RPS8: variants seen among roughly 807,000 people sequenced by gnomAD.
The protein encoded by RPS8 is ribosomal protein S8.
For missense variants in RPS8, 141 were observed against 269.7 expected (o/e 0.52, Z 3.34); for synonymous variants, 100 against 100.7 (o/e 0.99, Z 0.04).
chr1:44,776,814 T>C (rs991081731), intron 3 of RPS8, 40 bp downstream of exon 3: 42 of 1,464,888 alleles, frequency 2.9e-5, no homozygotes, highest in Non-Finnish European at 3.8e-5. Context: ...AAAACGCACC[T>C]AAACGGTCTT....
Position 44,778,735 on chromosome 1 carries a change from C to A in RPS8, c.*50C>A. 1.6e-6 allele frequency: 2 copies of A among 1,277,790 alleles called. No homozygotes were observed. Among genetic ancestry groups the A allele is most frequent in the South Asian group, 1.3e-5 (1 of 75,298 alleles). 79.2% of individuals were successfully genotyped at this position (1,277,790 alleles called of 1,614,324 possible). A position where few individuals can be genotyped will look rare whatever the true frequency, so the allele number is the denominator to read the frequency against. On this transcript the variant is annotated 3_prime_UTR_variant, in exon 6 of 6. Coordinates refer to ENST00000396651, the MANE Select transcript of RPS8 (RefSeq NM_001012.2). Reference sequence around the variant, plus strand: ...TAATAAAGGTGTTTATTGTTTTGTTCCCACATTTATGTTGCCTGAATATAT... The same window carrying A: ...TAATAAAGGTGTTTATTGTTTTGTTACCACATTTATGTTGCCTGAATATAT...
intron 2 of RPS8, 24 bp from the exon 3 acceptor site, chr1:44,776,651 T>A (rs201440654): frequency 6.2e-7 from 1 of 1,607,410 alleles, no homozygotes; most frequent in East Asian, 2.2e-5. Flanking sequence ...GGTAACCTAG[T>A]TCCTGTAACC....
intron 5 of RPS8, 92 bp downstream of exon 5, chr1:44,778,221 C>T (rs1650928465): frequency 6.7e-7 from 1 of 1,496,922 alleles, no homozygotes; most frequent in Non-Finnish European, 9.2e-7. Flanking sequence ...GACTGCCAGC[C>T]ATGCAGTCTA....
chr1:44,777,966 T>A, intron 4 of RPS8, 34 bp from the exon 5 acceptor site: 1 of 1,613,064 alleles, frequency 6.2e-7, no homozygotes, highest in Non-Finnish European at 8.5e-7. Flanking sequence ...CTGCCTTCCT[T>A]CCCTGAGCTC....
At chr1:44,775,900 C>A in intron 1 of RPS8, 134 bp from the exon 2 acceptor site, 1 of 883,654 alleles carries the variant, frequency 1.1e-6, no homozygotes, top group Non-Finnish European at 1.9e-6. Context: ...TGCATACTCC[C>A]GAGTGCGCGG....
intron 1 of RPS8, 166 bp downstream of exon 1, chr1:44,775,766 CT>C (rs944190014): frequency 1.0e-6 from 1 of 985,242 alleles, no homozygotes; most frequent in Non-Finnish European, 1.6e-6. Context: ...TCTCTGGGGG[CT>C]GCGAAGGCTC....
intron 3 of RPS8, 26 bp downstream of exon 3, chr1:44,776,800 T>A: frequency 6.5e-7 from 1 of 1,533,932 alleles, no homozygotes; most frequent in Non-Finnish European, 8.9e-7. Flanking sequence ...TGGGAGTGGG[T>A]GGGAAAACGC....
In RPS8 at chr1:44,777,717, C is replaced by T; in HGVS notation, c.315C>T (p.Asp105=). 1 of 1,614,078 alleles carries T rather than the reference C, an allele frequency of 6.2e-7. No individual in the cohort carries two copies. ...TGAAGAATTGCATCGTGCTCATCGA[C>T]AGCACACCGTACCGACAGTGGTACG... The part of the protein sequence containing the change: ...TLVKNCIVLI[D]STPYRQWYES... Residue 105 remains aspartate (D), a synonymous_variant, in exon 4 of 6, where the codon GAC becomes GAT. Transcript: ENST00000396651.
rs753829232 is a variant in RPS8 at position 44,778,045 on chromosome 1, A to T, written c.433A>T (p.Ile145Phe). ...EILNKKRSKKIQKKYDERKKN... is the reference protein window; with the variant it reads ...EILNKKRSKKFQKKYDERKKN... ...TTTAAACAAAAAACGATCTAAAAAA[A>T]TTCAGAAGAAATATGATGAAAGGAA... The change falls in exon 5 of 6, where the codon ATT (isoleucine) becomes TTT (phenylalanine). Residue 145 changes from isoleucine (I) to phenylalanine (F), a missense_variant. Ile to Phe is a conservative substitution (Grantham distance 21). Transcript: ENST00000396651. 6 of 1,613,586 alleles carry T rather than the reference A, an allele frequency of 3.7e-6. No individual in the cohort carries two copies. Among genetic ancestry groups the T allele is most frequent in the African/African-American group, 1.3e-5 (1 of 74,932 alleles).
intron 2 of RPS8, 118 bp from the exon 3 acceptor site, chr1:44,776,557 C>G: frequency 1.1e-6 from 1 of 871,202 alleles, no homozygotes; most frequent in South Asian, 1.3e-5. Context: ...GTGCCACTTG[C>G]CAATGCAAGG....
At chr1:44,776,173 G>C (rs754667122) in intron 2 of RPS8, 33 bp downstream of exon 2, 25 of 1,487,854 alleles carry the variant, frequency 1.7e-5, no homozygotes, top group Admixed American at 2.2e-5. Flanking sequence ...CCGCCTGGGA[G>C]GTCGCCTTCC....
rs755507477 is a variant in RPS8, at chr1:44,776,653, C to G, written c.112-22C>G. The G allele has an allele frequency of 4.4e-6, 7 of 1,608,396 alleles. No individual in the cohort carries two copies. The South Asian group carries it at 7.7e-5, about 18-fold the overall frequency. On this transcript the variant is annotated intron_variant, in intron 2 of 5. Coordinates refer to ENST00000396651, the MANE Select transcript of RPS8 (RefSeq NM_001012.2). ...CCTTGCTCTCCTTGGTAACCTAGTT[C>G]CTGTAACCTTGTGTTTTCCAGATTG...
rs1382769812 is a variant in RPS8 at position 44,776,143 on chromosome 1, G to A, written c.111+3G>A. 2 of 1,591,656 alleles carry A rather than the reference G, an allele frequency of 1.3e-6. No individual in the cohort carries two copies. The highest frequency in any genetic ancestry group is 1.7e-6 in the Non-Finnish European group (2 of 1,171,024). On this transcript the variant is annotated splice_donor_region_variant and intron_variant, in intron 2 of 5. Transcript: ENST00000396651. The stretch of plus-strand genomic sequence containing the variant: ...GGCGCCCAGCTGCCAACACCAAGGT[G>A]GGTGCGAGCGTGGGCCTGTCCGCCT...
chr1:44,777,685 A>G lies in RPS8; in HGVS notation c.283A>G (p.Thr95Ala). ...TAATAACGAGCTGGTTCGTACCAAG[A>G]CCCTGGTGAAGAATTGCATCGTGCT... ...ASNNELVRTK[T>A]LVKNCIVLID... The change falls in exon 4 of 6, where the codon ACC (threonine) becomes GCC (alanine). Residue 95 changes from threonine to alanine, a missense_variant. Physicochemically the swap from Thr to Ala is moderately conservative, Grantham distance 58. Transcript: ENST00000396651. 7 of 1,613,906 alleles carry G rather than the reference A, an allele frequency of 4.3e-6. No individual in the cohort carries two copies. Among genetic ancestry groups the G allele is most frequent in the Non-Finnish European group, 5.9e-6 (7 of 1,179,824 alleles).
At position 44,778,757 on chromosome 1, in the gene RPS8, A is replaced by G. The variant is rs1557609930; in HGVS notation, c.*72A>G. On this transcript the variant is annotated 3_prime_UTR_variant, in exon 6 of 6. Transcript: ENST00000396651. ...GTTCCCACATTTATGTTGCCTGAATATATGACTGTTTTCTCTGCTTTATTT... is the reference window on the plus strand; with the variant it reads ...GTTCCCACATTTATGTTGCCTGAATGTATGACTGTTTTCTCTGCTTTATTT... 1.9e-6 allele frequency: 2 copies of G among 1,057,964 alleles called. No homozygotes were observed. The highest frequency in any genetic ancestry group is 5.0e-5 in the East Asian group (2 of 39,870). The allele number at this position is 1,057,964 out of a possible 1,614,324, so 65.5% of individuals were successfully genotyped here.
chr1:44,778,486 TACCTGAACCC>T, intron 5 of RPS8, 80 bp from the exon 6 acceptor site: 1 of 1,040,240 alleles, frequency 9.6e-7, no homozygotes, highest in Non-Finnish European at 1.5e-6. Context: ...GCCCCCAGGG[TACCTGAACCC>T]ACAGAGATTC....
At chr1:44,775,686 A>C in intron 1 of RPS8, 86 bp downstream of exon 1, 1 of 1,552,090 alleles carries the variant, frequency 6.4e-7, no homozygotes, top group African/African-American at 1.4e-5. Context: ...TGAGGAGTCC[A>C]GACGCCCCGA....
rs1165645798 is a variant in RPS8 at position 44,776,668 on chromosome 1, T to G, written c.112-7T>G. Reference sequence around the variant, plus strand: ...TAACCTAGTTCCTGTAACCTTGTGTTTTCCAGATTGGCCCCCGCCGCATCC... The same window carrying G: ...TAACCTAGTTCCTGTAACCTTGTGTGTTCCAGATTGGCCCCCGCCGCATCC... On this transcript the variant is annotated splice_polypyrimidine_tract_variant and splice_region_variant and intron_variant, in intron 2 of 5. Coordinates refer to ENST00000396651, the MANE Select transcript of RPS8 (RefSeq NM_001012.2). 1.2e-6 allele frequency: 2 copies of G among 1,613,616 alleles called. No individual in the cohort carries two copies. Among genetic ancestry groups the G allele is most frequent in the Non-Finnish European group, 1.7e-6 (2 of 1,179,692 alleles).
rs556993891 is a variant in RPS8, at chr1:44,776,475, T to G, written c.112-200T>G. The G allele has an allele frequency of 2.6e-5, 20 of 763,480 alleles. No individual in the cohort carries two copies. The South Asian group carries it at 2.7e-4, about 10-fold the overall frequency. The allele number at this position is 763,480 out of a possible 1,614,324, so 47.3% of individuals were successfully genotyped here. ...TAATTTTCAGCATTTGGGGTCAGGC[T>G]TTCCTCTTGGAGGCAAGTAGGGTGA... On this transcript the variant is annotated intron_variant, in intron 2 of 5. Coordinates refer to ENST00000396651, the MANE Select transcript of RPS8 (RefSeq NM_001012.2).
Sources: gnomAD v4.1 joint callset for allele counts on GRCh38, gnomAD v4.1.1 for gene constraint, MANE v1.5 for transcripts, NCBI Gene and HGNC (gene_info 2026-07-23, HGNC 2026-07-21) for gene names.